MEGF10: variants seen among roughly 807,000 people sequenced by gnomAD.
The protein encoded by MEGF10 is multiple EGF like domains 10, also known as multiple epidermal growth factor-like domains protein 10.
A neutral mutation model predicts 147.5 loss-of-function variants in MEGF10; 86 were observed. The observed-to-expected ratio is 0.58, with a 90% confidence interval of 0.49 to 0.70. The LOEUF (loss-of-function observed/expected upper bound fraction) is 0.70. Ranked by LOEUF, MEGF10 falls within the 30% of genes least tolerant of loss-of-function variation. MEGF10 has a pLI of 0.00. For missense variants in MEGF10, 1,329 were observed against 1,487.3 expected (o/e 0.89, Z 1.75); for synonymous variants, 478 against 525.5 (o/e 0.91, Z 1.24).
At chr5:127,352,024 G>A (rs1231549409) in intron 4 of MEGF10, among the ~76,000 whole-genome samples, 1 of 152,068 alleles carries the variant, frequency 6.6e-6, no homozygotes, top group African/African-American at 2.4e-5. Context: ...ATATCCCACT[G>A]GTCACTTGGT....
chr5:127,395,608 A>G (rs1233988230), intron 5 of MEGF10, among the ~76,000 whole-genome samples: 1 of 128,178 alleles, frequency 7.8e-6, no homozygotes, highest in African/African-American at 3.0e-5. Flanking sequence ...GCAGTGGCGC[A>G]GTCTTAGCTC....
intron 1 of MEGF10, among the ~76,000 whole-genome samples, chr5:127,306,020 G>C (rs967344310): frequency 6.6e-6 from 1 of 152,204 alleles, no homozygotes; most frequent in Non-Finnish European, 1.5e-5. Context: ...TTTTTCTAGA[G>C]TTCAGGTGTG....
intron 5 of MEGF10, among the ~76,000 whole-genome samples, chr5:127,387,862 T>C (rs943034661): frequency 6.6e-5 from 10 of 152,184 alleles, no homozygotes; most frequent in Non-Finnish European, 1.5e-5. Context: ...CGCTCCACTC[T>C]CTGTTTCGTG....
intron 16 of MEGF10, among the ~76,000 whole-genome samples, chr5:127,437,176 A>G (rs577321091): frequency 2.0e-5 from 3 of 152,302 alleles, no homozygotes; most frequent in East Asian, 1.9e-4. Context: ...CTGAGCATCA[A>G]ATGGGCTAGA....
chr5:127,319,546 G>A (rs567748423), intron 1 of MEGF10, among the ~76,000 whole-genome samples: 14 of 152,314 alleles, frequency 9.2e-5, no homozygotes, highest in African/African-American at 3.4e-4. Flanking sequence ...ATTGCACTGA[G>A]GAAATTAGGA....
intron 2 of MEGF10, among the ~76,000 whole-genome samples, chr5:127,337,178 G>A (rs897288462): frequency 5.3e-5 from 8 of 152,190 alleles, no homozygotes; most frequent in East Asian, 3.9e-4. Context: ...AGTAAGGTTC[G>A]ACATTTTCCA....
At chr5:127,408,888 G>A (rs1372303079) in intron 8 of MEGF10, among the ~76,000 whole-genome samples, 3 of 152,104 alleles carry the variant, frequency 2.0e-5, no homozygotes, top group African/African-American at 7.2e-5. Flanking sequence ...ACCAGCCTGG[G>A]TAACATAGCA....
intron 5 of MEGF10, among the ~76,000 whole-genome samples, chr5:127,390,947 A>G (rs1294793933): frequency 1.3e-5 from 2 of 152,148 alleles, no homozygotes; most frequent in Non-Finnish European, 2.9e-5. Context: ...CACCTGTTTC[A>G]TAGGGTCACT....
At chr5:127,420,280 A>G in intron 12 of MEGF10, 73 bp downstream of exon 12, 1 of 1,528,226 alleles carries the variant, frequency 6.5e-7, no homozygotes, top group East Asian at 2.3e-5. Context: ...TTCTTTTTGC[A>G]TTTTTCCTGA....
At chr5:127,418,652 T>A (rs2126969737) in intron 10 of MEGF10, among the ~76,000 whole-genome samples, 1 of 152,340 alleles carries the variant, frequency 6.6e-6, no homozygotes, top group South Asian at 2.1e-4. Flanking sequence ...GTGAATCATG[T>A]TGCTGAATGT....
the MEGF10 span, among the ~76,000 whole-genome samples, chr5:127,266,272 T>G: frequency 1.9e-3 from 285 of 151,984 alleles, no homozygotes; most frequent in Middle Eastern, 3.4e-3. Flanking sequence ...TCTGTTCCAT[T>G]GGTCTATATC....
chr5:127,415,058 G>T (rs560337795), intron 9 of MEGF10, among the ~76,000 whole-genome samples: 38 of 151,106 alleles, frequency 2.5e-4, no homozygotes, highest in Admixed American at 9.2e-4. Context: ...AGCCCATGTG[G>T]ACGCCCCTAA....
chr5:127,259,377 C>G, the MEGF10 span, among the ~76,000 whole-genome samples: 2 of 152,126 alleles, frequency 1.3e-5, no homozygotes, highest in Admixed American at 1.3e-4. Flanking sequence ...TTAACAGAGT[C>G]CATTCTTCAT....
At chr5:127,439,239 TACTC>T (rs1181724174) in intron 17 of MEGF10, among the ~76,000 whole-genome samples, 1 of 152,220 alleles carries the variant, frequency 6.6e-6, no homozygotes, top group African/African-American at 2.4e-5. Context: ...GCAAAGTACT[TACTC>T]CAAAGCTGAG....
At chr5:127,392,480 G>A (rs1194235753) in intron 5 of MEGF10, among the ~76,000 whole-genome samples, 2 of 152,084 alleles carry the variant, frequency 1.3e-5, no homozygotes, top group East Asian at 1.9e-4. Flanking sequence ...TATGTTTTCC[G>A]TTGTACCTAA....
chr5:127,453,988 G>A (rs769461294), intron 22 of MEGF10, among the ~76,000 whole-genome samples: 2 of 152,094 alleles, frequency 1.3e-5, no homozygotes, highest in African/African-American at 2.4e-5. Flanking sequence ...GAGAAAGCAG[G>A]TTTTTTTGTG....
intron 1 of MEGF10, among the ~76,000 whole-genome samples, chr5:127,320,504 C>A (rs1760747479): frequency 6.6e-6 from 1 of 152,112 alleles, no homozygotes; most frequent in East Asian, 1.9e-4. Context: ...CAGCATGTGG[C>A]ACTTTATCTA....
chr5:127,285,414 T>C, the MEGF10 span, among the ~76,000 whole-genome samples: 1 of 152,080 alleles, frequency 6.6e-6, no homozygotes, highest in African/African-American at 2.4e-5. Context: ...TAATAGCAAA[T>C]ATGAAAAATA....
chr5:127,361,684 G>T (rs1303043794), intron 4 of MEGF10, among the ~76,000 whole-genome samples: 2 of 151,942 alleles, frequency 1.3e-5, no homozygotes, highest in Non-Finnish European at 2.9e-5. Flanking sequence ...TCTATGTGCT[G>T]CTTTAAGAGC....
Sources: allele counts gnomAD v4.1 joint callset (sites outside exome capture counted in the v4.1 genomes callset), GRCh38; gene constraint gnomAD v4.1.1; transcripts MANE v1.5; gene names NCBI Gene and HGNC (gene_info 2026-07-23, HGNC 2026-07-21).